The following MYH7B variants were observed in gnomAD, a reference collection of about 807,000 sequenced individuals.
The protein encoded by MYH7B is myosin-7B.
In MYH7B, 205 loss-of-function variants were observed where a neutral mutation model predicts 234.5. That is an observed-to-expected ratio of 0.87 (90% CI 0.78 to 0.98). The LOEUF is 0.98. Ranked by LOEUF, MYH7B falls within the 50% of genes least tolerant of loss-of-function variation. The probability of loss-of-function intolerance (pLI) is 0.00; values close to 1 mark genes in which losing one functional copy is unlikely to be tolerated. For missense variants in MYH7B, 2,652 were observed against 2,633.4 expected, an observed-to-expected ratio of 1.01 and a Z score of -0.15; for synonymous variants, 1,193 against 1,105.0, an observed-to-expected ratio of 1.08 and a Z score of -1.58.
exon 23 of MYH7B, chr20:34,990,738 G>C: frequency 6.2e-7 from 1 of 1,614,108 alleles, no homozygotes; most frequent in Non-Finnish European, 8.5e-7. Flanking sequence ...CCACTGCCAG[G>C]AGAACCTCAA....
intron 7 of MYH7B, 26 bp downstream of exon 7, chr20:34,979,830 CG>C: frequency 6.4e-7 from 1 of 1,560,950 alleles, no homozygotes; most frequent in Non-Finnish European, 8.7e-7. Context: ...GGGCCATGGG[CG>C]GGGTGGGGCT....
intron 19 of MYH7B, 136 bp downstream of exon 19, chr20:34,988,398 A>G (rs2082074006): frequency 1.0e-6 from 1 of 989,150 alleles, no homozygotes; most frequent in South Asian, 1.7e-5. Flanking sequence ...GTAAGCATGC[A>G]TGTGAGTGTA....
At chr20:34,999,153 A>G in exon 36 of MYH7B, 1 of 1,613,600 alleles carries the variant, frequency 6.2e-7, no homozygotes, top group Non-Finnish European at 8.5e-7. Context: ...GCGGCTACAG[A>G]CAGAGTCAGA....
intron 2 of MYH7B, among the ~76,000 whole-genome samples, chr20:34,974,895 G>A (rs567154843): frequency 6.6e-6 from 1 of 152,338 alleles, no homozygotes; most frequent in East Asian, 1.9e-4. Context: ...CCTTGTGCAG[G>A]TCTTTTCTAG....
At chr20:35,001,328 T>A in exon 42 of MYH7B, 1 of 1,611,136 alleles carries the variant, frequency 6.2e-7, no homozygotes, top group South Asian at 1.1e-5. Flanking sequence ...ATGAGCGCCG[T>A]GTCAAGGAGC....
chr20:34,976,664 A>G (rs2081857547), intron 3 of MYH7B, among the ~76,000 whole-genome samples: 1 of 152,138 alleles, frequency 6.6e-6, no homozygotes, highest in South Asian at 2.1e-4. Context: ...ATTTGCTTCC[A>G]TTTCAGCCAA....
chr20:34,994,625 A>C (rs1212734139), intron 27 of MYH7B, among the ~76,000 whole-genome samples: 1 of 152,166 alleles, frequency 6.6e-6, no homozygotes, highest in Non-Finnish European at 1.5e-5. Context: ...CCGCTAAAGC[A>C]GAGGAACCCC....
chr20:34,985,749 C>T (rs1456948497), intron 13 of MYH7B, among the ~76,000 whole-genome samples: 2 of 152,084 alleles, frequency 1.3e-5, no homozygotes, highest in Non-Finnish European at 2.9e-5. Context: ...TAATTCACAC[C>T]CTGACCCCTA....
chr20:34,988,851 C>T (rs1037972437), intron 19 of MYH7B, among the ~76,000 whole-genome samples: 1 of 143,328 alleles, frequency 7.0e-6, no homozygotes, highest in East Asian at 2.0e-4. Context: ...ACTCTGTCGC[C>T]CAGGCTGGAG....
chr20:35,002,209 T>TAAAG (rs760228175), exon 45 of MYH7B: 19 of 1,513,602 alleles, frequency 1.3e-5, no homozygotes, highest in Admixed American at 4.0e-5. Flanking sequence ...CCCTGGGCTC[T>TAAAG]AAAGAGGAAT....
chr20:34,960,189 C>T (rs369159687), intron 2 of MYH7B, among the ~76,000 whole-genome samples: 1 of 152,134 alleles, frequency 6.6e-6, no homozygotes, highest in Non-Finnish European at 1.5e-5. Flanking sequence ...TTGTGTCTTG[C>T]CTTTCTCCCT....
In MYH7B at chr20:34,990,936, T is replaced by C. The variant is rs2082135055; in HGVS notation, c.2066-68T>C. On this transcript the variant is annotated intron_variant, in intron 23 of 44. Transcript: ENST00000262873. Reference sequence around the variant, plus strand: ...CCCCCTCACCTCGCAGGGTCTCCACTGCTGCTTTTTCTCTGGGGCCTGCGG... The same window carrying C: ...CCCCCTCACCTCGCAGGGTCTCCACCGCTGCTTTTTCTCTGGGGCCTGCGG... The C allele has an allele frequency of 1.9e-6, 3 of 1,566,502 alleles. No homozygotes were observed. The Admixed American group carries it at 5.1e-5, about 26-fold the overall frequency.
intron 40 of MYH7B, 33 bp from the exon 41 acceptor site, chr20:35,000,955 C>T (rs766613444): frequency 1.9e-6 from 3 of 1,612,610 alleles, no homozygotes; most frequent in Non-Finnish European, 2.5e-6. Flanking sequence ...TTCCCTGAGG[C>T]TGGGCACCTG....
chr20:34,959,430 A>T (rs1433900328), intron 2 of MYH7B, among the ~76,000 whole-genome samples: 1 of 151,738 alleles, frequency 6.6e-6, no homozygotes, highest in African/African-American at 2.4e-5. Flanking sequence ...TGCAGAAGTC[A>T]TCTCACCTCT....
intron 22 of MYH7B, 143 bp downstream of exon 22, chr20:34,990,453 A>G (rs1406470841): frequency 3.0e-6 from 3 of 983,650 alleles, no homozygotes; most frequent in Non-Finnish European, 5.0e-6. Flanking sequence ...TGAACATCAC[A>G]GCAAGTCTGT....
exon 45 of MYH7B, chr20:35,002,362 G>A: frequency 1.5e-6 from 1 of 669,142 alleles, no homozygotes; most frequent in Non-Finnish European, 2.3e-6. Context: ...GGGTTCAGGA[G>A]GAAAAACACA....
chr20:34,980,854 C>T, intron 8 of MYH7B, 120 bp downstream of exon 8: 1 of 1,500,700 alleles, frequency 6.7e-7, no homozygotes, highest in Non-Finnish European at 9.1e-7. Flanking sequence ...TGGACATGGT[C>T]GCCCAGCCGT....
chr20:35,000,666 C>T (rs758860211), exon 39 of MYH7B: 8 of 1,587,586 alleles, frequency 5.0e-6, no homozygotes, highest in Non-Finnish European at 6.8e-6. Flanking sequence ...GGCCACCGAG[C>T]GCCTCAACCT....
chr20:34,997,665 A>G (rs2082289405), intron 32 of MYH7B, 25 bp downstream of exon 32: 1 of 1,610,034 alleles, frequency 6.2e-7, no homozygotes, highest in Non-Finnish European at 8.5e-7. Flanking sequence ...CTCACCCCAT[A>G]CCCACCCTGA....
Sources: gnomAD v4.1 joint callset for allele counts (sites outside exome capture counted in the v4.1 genomes callset) on GRCh38, gnomAD v4.1.1 for gene constraint, MANE v1.5 for transcripts, NCBI Gene and HGNC (gene_info 2026-07-23, HGNC 2026-07-21) for gene names.